TAFA4: variants seen among roughly 807,000 people sequenced by gnomAD.
The protein encoded by TAFA4 is chemokine-like protein TAFA-4.
TAFA4 carries 20 observed loss-of-function variants against 21.1 expected under a neutral mutation model. The observed-to-expected ratio is 0.95, with a 90% CI of 0.67 to 1.38. TAFA4 has a LOEUF of 1.38. Among genes scored for constraint, TAFA4 ranks in the 40% most tolerant of loss-of-function variants. The probability of loss-of-function intolerance (pLI) is 0.00; values close to 1 mark genes in which losing one functional copy is unlikely to be tolerated. For synonymous variants in TAFA4, 71 were observed against 67.4 expected, an observed-to-expected ratio of 1.05 and a Z score of -0.26; for missense variants, 211 against 180.9, an observed-to-expected ratio of 1.17 and a Z score of -0.95.
chr3:68,752,276 A>C (rs1413194163), intron 4 of TAFA4, among the ~76,000 whole-genome samples: 1 of 152,190 alleles, frequency 6.6e-6, no homozygotes, highest in Admixed American at 6.5e-5. Flanking sequence ...CAGGGGTATC[A>C]AAAGAAATCA....
At chr3:68,881,964 T>C (rs1399113489) in intron 2 of TAFA4, among the ~76,000 whole-genome samples, 1 of 152,180 alleles carries the variant, frequency 6.6e-6, no homozygotes, top group African/African-American at 2.4e-5. Context: ...GGCACACACA[T>C]GTTCTGCTGC....
intron 1 of TAFA4, among the ~76,000 whole-genome samples, chr3:68,890,178 A>C (rs1331806735): frequency 2.0e-5 from 3 of 152,226 alleles, no homozygotes; most frequent in Non-Finnish European, 4.4e-5. Flanking sequence ...GAAGAAAGAG[A>C]GACAGAAGAG....
chr3:68,740,158 C>T (rs568574048), intron 4 of TAFA4, among the ~76,000 whole-genome samples: 65 of 152,204 alleles, frequency 4.3e-4, no homozygotes, highest in African/African-American at 1.5e-3. Context: ...GATCCTCACC[C>T]CAGGATGTTA....
chr3:68,927,006 C>A lies in TAFA4; in HGVS notation c.-123+5234G>T, dbSNP rs576296957. 4.0e-4 allele frequency among the ~76,000 whole-genome samples: 61 copies of A among 152,292 alleles called. 1 individual carries two copies. The highest frequency in any genetic ancestry group is 1.4e-3 in the African/African-American group (57 of 41,558). ...TTTAGCCAGTATTCCTGCCCTCTAC[C>A]CACGAGAGACTGCTCTCCCATACCA... is the stretch of plus-strand genomic sequence containing the variant. On this transcript the variant is annotated intron_variant, in intron 1 of 5. Coordinates refer to ENST00000295569, the MANE Select transcript of TAFA4 (RefSeq NM_182522.5).
chr3:68,864,854 A>C (rs1275117181), intron 3 of TAFA4, among the ~76,000 whole-genome samples: 1 of 140,440 alleles, frequency 7.1e-6, no homozygotes, highest in Non-Finnish European at 1.5e-5. Context: ...ATTATGCAGA[A>C]AGAAACCAGA....
chr3:68,790,127 T>C (rs1379483482), intron 3 of TAFA4, among the ~76,000 whole-genome samples: 1 of 152,168 alleles, frequency 6.6e-6, no homozygotes, highest in Non-Finnish European at 1.5e-5. Flanking sequence ...GTAGATGTAA[T>C]ATATATAATT....
At chr3:68,930,164 T>C (rs1424636852) in intron 1 of TAFA4, among the ~76,000 whole-genome samples, 3 of 152,188 alleles carry the variant, frequency 2.0e-5, no homozygotes, top group African/African-American at 7.2e-5. Flanking sequence ...TAAATGGAAC[T>C]AGGTCATCAA....
chr3:68,858,142 C>G (rs558680656), intron 3 of TAFA4, among the ~76,000 whole-genome samples: 11 of 152,128 alleles, frequency 7.2e-5, no homozygotes, highest in Non-Finnish European at 1.5e-4. Context: ...CTTAAGTCAT[C>G]TGATTCATCG....
chr3:68,783,974 AG>A (rs973505078), intron 3 of TAFA4, among the ~76,000 whole-genome samples: 6 of 152,216 alleles, frequency 3.9e-5, no homozygotes, highest in African/African-American at 1.4e-4. Flanking sequence ...ATGACAAATT[AG>A]GGAAAAGATG....
intron 3 of TAFA4, among the ~76,000 whole-genome samples, chr3:68,774,423 G>A (rs1703015048): frequency 6.6e-6 from 1 of 152,066 alleles, no homozygotes; most frequent in South Asian, 2.1e-4. Flanking sequence ...CAGAGGCACT[G>A]CTTGTGGAAA....
intron 3 of TAFA4, among the ~76,000 whole-genome samples, chr3:68,834,130 G>A (rs921250694): frequency 6.6e-6 from 1 of 152,152 alleles, no homozygotes; most frequent in African/African-American, 2.4e-5. Flanking sequence ...TGGAGAAAAG[G>A]AACCTAGCAT....
chr3:68,793,910 G>T (rs1575610939), intron 3 of TAFA4, among the ~76,000 whole-genome samples: 1 of 152,166 alleles, frequency 6.6e-6, no homozygotes, highest in Non-Finnish European at 1.5e-5. Flanking sequence ...CAAAAAATGT[G>T]TCAAGACACT....
intron 3 of TAFA4, among the ~76,000 whole-genome samples, chr3:68,844,461 A>G (rs1704740787): frequency 6.6e-6 from 1 of 151,818 alleles, no homozygotes; most frequent in African/African-American, 2.4e-5. Flanking sequence ...ATCTTTAAAA[A>G]AAAAACAGCT....
intron 1 of TAFA4, among the ~76,000 whole-genome samples, chr3:68,900,240 T>TTAA (rs3048092): frequency 0.014 from 1,890 of 132,740 alleles, 30 homozygotes; most frequent in African/African-American, 0.025. Context: ...AGACTCTCTC[T>TTAA]TAATAATAAT....
chr3:68,856,625 A>G (rs955588470), intron 3 of TAFA4, among the ~76,000 whole-genome samples: 2 of 152,106 alleles, frequency 1.3e-5, no homozygotes, highest in Non-Finnish European at 2.9e-5. Flanking sequence ...TGAGGCAGGA[A>G]CCTTGAGATA....
At chr3:68,822,756 G>A (rs1415129796) in intron 3 of TAFA4, among the ~76,000 whole-genome samples, 1 of 152,166 alleles carries the variant, frequency 6.6e-6, no homozygotes, top group Non-Finnish European at 1.5e-5. Context: ...GTAGGCATGA[G>A]CCACTGCGCC....
At position 68,771,804 on chromosome 3, in the gene TAFA4, G is replaced by C. The variant is rs138924388; in HGVS notation, c.131-18786C>G. ...CATAATGAATGCTCTCACATACGAAGAGCAAGAGGTGAGCTTCATATTCAC... is the reference window on the plus strand; with the variant it reads ...CATAATGAATGCTCTCACATACGAACAGCAAGAGGTGAGCTTCATATTCAC... On this transcript the variant is annotated intron_variant, in intron 3 of 5. Coordinates refer to ENST00000295569, the MANE Select transcript of TAFA4 (RefSeq NM_182522.5). Among the ~76,000 whole-genome samples, 365 of 152,340 alleles carry C rather than the reference G, an allele frequency of 2.4e-3. 1 individual carries two copies. Among genetic ancestry groups the C allele is most frequent in the Non-Finnish European group, 3.8e-3 (258 of 68,036 alleles).
chr3:68,746,149 G>T (rs894736608), intron 4 of TAFA4, among the ~76,000 whole-genome samples: 1 of 152,108 alleles, frequency 6.6e-6, no homozygotes, highest in Non-Finnish European at 1.5e-5. Context: ...TTTCCCAGGG[G>T]CTCTGGGCTC....
At chr3:68,765,031 G>C (rs1293294332) in intron 3 of TAFA4, among the ~76,000 whole-genome samples, 2 of 152,018 alleles carry the variant, frequency 1.3e-5, no homozygotes, top group Admixed American at 1.3e-4. Flanking sequence ...CAGTGAAATT[G>C]CTTGGGTTCA....
Sources: gnomAD v4.1 joint callset for allele counts (sites outside exome capture counted in the v4.1 genomes callset) on GRCh38, gnomAD v4.1.1 for gene constraint, MANE v1.5 for transcripts, NCBI Gene and HGNC (gene_info 2026-07-23, HGNC 2026-07-21) for gene names.